The following DTNBP1 variants were observed in gnomAD, a reference collection of about 807,000 sequenced individuals.
The protein encoded by DTNBP1 is dysbindin.
A neutral mutation model predicts 42.8 loss-of-function variants in DTNBP1; 35 were observed. The observed-to-expected ratio is 0.82, with a 90% CI of 0.63 to 1.09. The LOEUF is 1.09. Among genes scored for constraint, DTNBP1 ranks in the 50% least tolerant of loss-of-function variants. DTNBP1 has a pLI of 0.00. For missense variants in DTNBP1, 457 were observed against 424.2 expected (o/e 1.08, Z -0.68); for synonymous variants, 171 against 162.2 (o/e 1.05, Z -0.41).
At position 15,533,367 on chromosome 6, in the gene DTNBP1, C is replaced by T. The variant is rs778637428; in HGVS notation, c.540G>A (p.Lys180=). The T allele has an allele frequency of 2.5e-5, 40 of 1,614,092 alleles. No homozygotes were observed. The highest frequency in any genetic ancestry group is 3.0e-5 in the Non-Finnish European group (35 of 1,180,052). The change falls in exon 8 of 10, where the codon AAG becomes AAA. Residue 180 remains lysine, a synonymous_variant. Transcript: ENST00000344537. ...GCTGGGTGTGCTCCATTTCCAGGAC[C>T]TTCTGGGCGTGCTCTGCATCTAGTT... ...KAELDAEHAQ[K]VLEMEHTQQM...
chr6:15,634,733 G>T (rs115750450), intron 4 of DTNBP1, among the ~76,000 whole-genome samples: 1 of 152,144 alleles, frequency 6.6e-6, no homozygotes, highest in South Asian at 2.1e-4. Context: ...GGAAGTGTTA[G>T]AATGCTTGAA....
At position 15,553,273 on chromosome 6, in the gene DTNBP1, C is replaced by T. The variant is rs1774315302; in HGVS notation, c.512-19878G>A. On this transcript the variant is annotated intron_variant, in intron 7 of 9. Transcript: ENST00000344537. ...TCAGGCCAGAAGCCAGACACAAACA[C>T]TTTGAGGGAGGGGCAGAGGGAACAG... is the stretch of plus-strand genomic sequence containing the variant. 1.3e-5 allele frequency among the ~76,000 whole-genome samples: 2 copies of T among 151,840 alleles called. 1 individual carries two copies. The highest frequency in any genetic ancestry group is 4.2e-4 in the South Asian group (2 of 4,810).
At position 15,522,850 on chromosome 6, in the gene DTNBP1, TCA is replaced by T. The variant is rs1771990879; in HGVS notation, c.*123_*124del. ...TATTGTTAGCTGTTCTTTAAGTTTC[TCA>T]CACATTATTGGCAATTATGTAAAAA... On this transcript the variant is annotated 3_prime_UTR_variant, in exon 10 of 10. Transcript: ENST00000344537. 2.6e-6 allele frequency: 4 copies of T among 1,531,742 alleles called. No homozygotes were observed. Among genetic ancestry groups the T allele is most frequent in the South Asian group, 1.1e-5 (1 of 88,040 alleles). The allele number at this position is 1,531,742 out of a possible 1,614,324, so 94.9% of individuals were successfully genotyped here.
intron 7 of DTNBP1, among the ~76,000 whole-genome samples, chr6:15,570,744 G>C (rs1321723119): frequency 2.6e-5 from 4 of 152,116 alleles, no homozygotes; most frequent in Non-Finnish European, 5.9e-5. Flanking sequence ...TATACTCACA[G>C]CTTTTTGTAA....
chr6:15,627,264 A>G (rs1292920888), intron 5 of DTNBP1, 79 bp downstream of exon 5: 1 of 1,571,884 alleles, frequency 6.4e-7, no homozygotes. Context: ...TGTTCCTGAA[A>G]AGCTCTGAAA....
chr6:15,539,766 G>A (rs554687261), intron 7 of DTNBP1, among the ~76,000 whole-genome samples: 18 of 152,108 alleles, frequency 1.2e-4, no homozygotes, highest in Non-Finnish European at 2.2e-4. Context: ...TCTTTTCCTC[G>A]CTGTCTCACT....
rs145565854 is a variant in DTNBP1 at position 15,633,259 on chromosome 6, T to C, written c.222+4485A>G. On this transcript the variant is annotated intron_variant, in intron 4 of 9. Coordinates refer to ENST00000344537, the MANE Select transcript of DTNBP1 (RefSeq NM_032122.5). ...AGTCATATCAACTTTTAAGTGTTATTGTTTAAGAAACACATTTTATAAGGT... is the reference window on the plus strand; with the variant it reads ...AGTCATATCAACTTTTAAGTGTTATCGTTTAAGAAACACATTTTATAAGGT... 5.0e-3 allele frequency among the ~76,000 whole-genome samples: 759 copies of C among 152,346 alleles called. 7 individuals are homozygous for C. The highest frequency in any genetic ancestry group is 8.6e-3 in the Non-Finnish European group (584 of 68,026).
At chr6:15,558,142 G>A (rs896648333) in intron 7 of DTNBP1, among the ~76,000 whole-genome samples, 5 of 151,646 alleles carry the variant, frequency 3.3e-5, no homozygotes, top group Non-Finnish European at 7.4e-5. Context: ...TACCACAGAA[G>A]CAACCAAATT....
chr6:15,593,759 A>C (rs1776392203), intron 6 of DTNBP1, among the ~76,000 whole-genome samples: 1 of 152,244 alleles, frequency 6.6e-6, no homozygotes, highest in Admixed American at 6.5e-5. Context: ...GCTTTCCCTC[A>C]CAATTTTGCA....
chr6:15,645,143 T>C (rs201384460), intron 3 of DTNBP1, among the ~76,000 whole-genome samples: 1 of 151,964 alleles, frequency 6.6e-6, no homozygotes, highest in African/African-American at 2.4e-5. Flanking sequence ...CAGAGACTAC[T>C]AAGAACATCT....
chr6:15,542,163 T>C (rs906163251), intron 7 of DTNBP1, among the ~76,000 whole-genome samples: 1 of 152,222 alleles, frequency 6.6e-6, no homozygotes, highest in Non-Finnish European at 1.5e-5. Flanking sequence ...AGTTTTGTGA[T>C]ATTAAAATAC....
At chr6:15,553,594 C>CTTTTTTTTTTTTTTTTTTTTTTTTT (rs56173414) in intron 7 of DTNBP1, among the ~76,000 whole-genome samples, 3 of 72,952 alleles carry the variant, frequency 4.1e-5, no homozygotes, top group Non-Finnish European at 7.3e-5. Flanking sequence ...GACAAGTGAG[C>CTTTTTTTTTTTTTTTTTTTTTTTTT]TTTTTTTTTT....
chr6:15,567,001 C>T (rs1775122294), intron 7 of DTNBP1, among the ~76,000 whole-genome samples: 1 of 152,090 alleles, frequency 6.6e-6, no homozygotes, highest in African/African-American at 2.4e-5. Flanking sequence ...TGAATGAATC[C>T]CTATTAACAT....
chr6:15,540,781 A>C (rs572429700), intron 7 of DTNBP1, among the ~76,000 whole-genome samples: 75 of 152,228 alleles, frequency 4.9e-4, no homozygotes, highest in Non-Finnish European at 9.7e-4. Context: ...AGCTGGGACT[A>C]CAGGTGCATG....
At chr6:15,590,552 T>C (rs1412272559) in intron 7 of DTNBP1, among the ~76,000 whole-genome samples, 1 of 152,220 alleles carries the variant, frequency 6.6e-6, no homozygotes. Flanking sequence ...TACATGTGCT[T>C]ACAATAATGG....
intron 2 of DTNBP1, among the ~76,000 whole-genome samples, chr6:15,651,748 G>C (rs1243297279): frequency 1.3e-5 from 2 of 152,062 alleles, no homozygotes; most frequent in East Asian, 3.8e-4. Context: ...TAGCTGAAGA[G>C]GCTCATTTGC....
chr6:15,560,434 T>C (rs927120552), intron 7 of DTNBP1, among the ~76,000 whole-genome samples: 1 of 152,238 alleles, frequency 6.6e-6, no homozygotes, highest in Non-Finnish European at 1.5e-5. Context: ...TCTTTCTCTC[T>C]ATCTGATTTC....
chr6:15,585,287 G>T (rs921866756), intron 7 of DTNBP1, among the ~76,000 whole-genome samples: 1 of 150,978 alleles, frequency 6.6e-6, no homozygotes, highest in Non-Finnish European at 1.5e-5. Context: ...TAGCAGCAAG[G>T]GATGCCGAAT....
At chr6:15,651,219 CT>C in intron 3 of DTNBP1, 93 bp downstream of exon 3, 1 of 1,125,466 alleles carries the variant, frequency 8.9e-7, no homozygotes, top group South Asian at 1.3e-5. Context: ...TAAAATTTAG[CT>C]GTTTTAAGGC....
Sources: allele counts gnomAD v4.1 joint callset (sites outside exome capture counted in the v4.1 genomes callset), GRCh38; gene constraint gnomAD v4.1.1; transcripts MANE v1.5; gene names NCBI Gene and HGNC (gene_info 2026-07-23, HGNC 2026-07-21).